The following IGSF21 variants were observed in gnomAD, a reference collection of about 807,000 sequenced individuals.
The protein encoded by IGSF21 is immunoglobulin superfamily member 21.
A neutral mutation model predicts 46.8 loss-of-function variants in IGSF21; 28 were observed. The ratio of observed to expected loss-of-function variants is 0.60; its 90% confidence interval spans 0.44 to 0.82. IGSF21 has a LOEUF of 0.82. Ranked by LOEUF, IGSF21 falls within the 40% of genes least tolerant of loss-of-function variation. IGSF21 has a pLI of 0.00. For missense variants in IGSF21, 624 were observed against 665.5 expected, an observed-to-expected ratio of 0.94 and a Z score of 0.69; for synonymous variants, 284 against 273.6, an observed-to-expected ratio of 1.04 and a Z score of -0.38.
At chr1:18,180,917 A>G (rs546327753) in intron 1 of IGSF21, among the ~76,000 whole-genome samples, 7 of 152,170 alleles carry the variant, frequency 4.6e-5, no homozygotes, top group Non-Finnish European at 1.0e-4. Context: ...AAGAAGAAAG[A>G]CATTGGAGTT....
At chr1:18,139,532 CA>C (rs2086396086) in intron 1 of IGSF21, among the ~76,000 whole-genome samples, 1 of 152,200 alleles carries the variant, frequency 6.6e-6, no homozygotes, top group Non-Finnish European at 1.5e-5. Context: ...CATTTTTCAC[CA>C]CCCTCTGCAG....
At chr1:18,187,105 G>C (rs1267415686) in intron 1 of IGSF21, among the ~76,000 whole-genome samples, 1 of 152,028 alleles carries the variant, frequency 6.6e-6, no homozygotes, top group Admixed American at 6.5e-5. Flanking sequence ...ACAGTTCTGG[G>C]GACTAGGAAG....
intron 2 of IGSF21, among the ~76,000 whole-genome samples, chr1:18,256,147 C>T (rs142899317): frequency 0.015 from 2,335 of 152,278 alleles, 21 homozygotes; most frequent in Non-Finnish European, 0.019. Context: ...ATCAAATTAG[C>T]CATGCCCTCC....
In IGSF21 at chr1:18,247,497, G is replaced by A. The variant is rs574834479; in HGVS notation, c.183+19487G>A. 2.9e-3 allele frequency among the ~76,000 whole-genome samples: 445 copies of A among 152,240 alleles called. 4 individuals are homozygous for A. The highest frequency in any genetic ancestry group is 6.8e-3 in the Middle Eastern group (2 of 294). ...ACTCAAAGCATCAGAGGTGAAAGTG[G>A]CAGGAGAGTGCCCAGCCAGGAACCA... On this transcript the variant is annotated intron_variant, in intron 2 of 9. Coordinates refer to ENST00000251296, the MANE Select transcript of IGSF21 (RefSeq NM_032880.5).
chr1:18,325,224 G>A (rs1382032012), intron 3 of IGSF21, among the ~76,000 whole-genome samples: 1 of 152,208 alleles, frequency 6.6e-6, no homozygotes, highest in Non-Finnish European at 1.5e-5. Context: ...GCAGCCCCTG[G>A]TGTTTGAAAG....
At chr1:18,284,906 C>T (rs946393397) in intron 2 of IGSF21, among the ~76,000 whole-genome samples, 6 of 149,528 alleles carry the variant, frequency 4.0e-5, no homozygotes, top group African/African-American at 1.2e-4. Context: ...AACACTCTCT[C>T]GGCTGCCTGG....
intron 6 of IGSF21, 69 bp from the exon 7 acceptor site, chr1:18,376,241 A>T: frequency 1.9e-6 from 2 of 1,073,608 alleles, no homozygotes; most frequent in South Asian, 2.5e-5. Context: ...CTAGACTAGA[A>T]CTTTCTCTTC....
intron 1 of IGSF21, among the ~76,000 whole-genome samples, chr1:18,166,663 G>A (rs181913981): frequency 6.6e-5 from 10 of 152,230 alleles, no homozygotes; most frequent in East Asian, 3.9e-4. Flanking sequence ...CCATGGCACC[G>A]AGGGCCTGAG....
intron 2 of IGSF21, among the ~76,000 whole-genome samples, chr1:18,258,711 C>A (rs530152352): frequency 1.3e-5 from 2 of 152,296 alleles, no homozygotes; most frequent in South Asian, 4.1e-4. Flanking sequence ...TTTGCTTCAC[C>A]TCATTGAGAC....
intron 2 of IGSF21, among the ~76,000 whole-genome samples, chr1:18,273,644 A>G (rs1235307303): frequency 6.6e-6 from 1 of 151,482 alleles, no homozygotes; most frequent in Non-Finnish European, 1.5e-5. Context: ...TGTTGCTGTA[A>G]TAACACCAAG....
At chr1:18,241,118 C>T (rs534576305) in intron 2 of IGSF21, among the ~76,000 whole-genome samples, 1 of 152,262 alleles carries the variant, frequency 6.6e-6, no homozygotes, top group South Asian at 2.1e-4. Context: ...CAGGGGACAC[C>T]TGGGAGTTGA....
chr1:18,277,922 T>A (rs958885754), intron 2 of IGSF21, among the ~76,000 whole-genome samples: 1 of 152,188 alleles, frequency 6.6e-6, no homozygotes, highest in East Asian at 1.9e-4. Context: ...GTGTTCTGCA[T>A]CCTGAGAAGG....
intron 4 of IGSF21, among the ~76,000 whole-genome samples, chr1:18,341,447 T>G (rs1041596572): frequency 6.6e-6 from 1 of 152,190 alleles, no homozygotes; most frequent in African/African-American, 2.4e-5. Flanking sequence ...CAGCAGTAAC[T>G]GAGTCAGGAT....
At chr1:18,133,799 G>A (rs12066623) in intron 1 of IGSF21, among the ~76,000 whole-genome samples, 2,316 of 152,376 alleles carry the variant, frequency 0.015, 58 homozygotes, top group African/African-American at 0.052. Context: ...CCGGTGGGGG[G>A]CTTTGTTGGC....
At chr1:18,367,713 T>A (rs1228415286) in intron 6 of IGSF21, among the ~76,000 whole-genome samples, 3 of 150,556 alleles carry the variant, frequency 2.0e-5, no homozygotes, top group East Asian at 2.0e-4. Context: ...TTCAAGTGAT[T>A]CTCCTGCCTC....
Position 18,365,778 on chromosome 1 carries a change from GAGGA to G in IGSF21, c.1015+82_1015+85del. 8.3e-7 allele frequency: 1 copy of G among 1,207,314 alleles called. No homozygotes were observed. The highest frequency in any genetic ancestry group is 1.2e-6 in the Non-Finnish European group (1 of 859,306). The allele number at this position is 1,207,314 out of a possible 1,614,324, so 74.8% of individuals were successfully genotyped here. ...AGCCTTGGAATAGGGTTCCTGGGCT[GAGGA>G]CAGCCATGGAAAGGGGGAGGAGATG... On this transcript the variant is annotated intron_variant, in intron 6 of 9. Transcript: ENST00000251296. This position sits in a 1 kb window ranked among gnomAD's most constrained non-coding sequence, Gnocchi z 4.8.
chr1:18,267,077 A>T (rs1286138020), intron 2 of IGSF21, among the ~76,000 whole-genome samples: 1 of 152,144 alleles, frequency 6.6e-6, no homozygotes, highest in African/African-American at 2.4e-5. Context: ...GGCTGTGGAG[A>T]GCTGTATGTA....
Position 18,199,894 on chromosome 1 carries a change from C to G in IGSF21, c.71-28004C>G, listed in dbSNP as rs558856433. On this transcript the variant is annotated intron_variant, in intron 1 of 9. Coordinates refer to ENST00000251296, the MANE Select transcript of IGSF21 (RefSeq NM_032880.5). ...TCACACTAGGGAAGCTGCTCCCGGC[C>G]CCCCCCTACCCCCGTGAGAATCCAT... Among the ~76,000 whole-genome samples, 28 of 146,244 alleles carry G rather than the reference C, an allele frequency of 1.9e-4. No individual in the cohort carries two copies. The East Asian group carries it at 3.6e-3, about 19-fold the overall frequency.
Position 18,225,062 on chromosome 1 carries a change from ATCTCTCTCTC to A in IGSF21, c.71-2821_71-2812del, listed in dbSNP as rs111721151. On this transcript the variant is annotated intron_variant, in intron 1 of 9. Transcript: ENST00000251296. ...CCTGGATGACAGAGTGAGACTCTGT[ATCTCTCTCTC>A]TCTCTCTCTCTCTCACACACACACA... is the stretch of plus-strand genomic sequence containing the variant. Among the ~76,000 whole-genome samples, 251 of 63,802 alleles carry A rather than the reference ATCTCTCTCTC, an allele frequency of 3.9e-3. 3 individuals are homozygous for A. The highest frequency in any genetic ancestry group is 0.014 in the African/African-American group (236 of 16,952). The allele number at this position is 63,802 out of a possible 152,430, so 41.9% of individuals were successfully genotyped here. A position where few individuals can be genotyped will look rare whatever the true frequency, so the allele number is the denominator to read the frequency against.
Sources: allele counts gnomAD v4.1 joint callset (sites outside exome capture counted in the v4.1 genomes callset), GRCh38; gene constraint gnomAD v4.1.1; non-coding constraint Gnocchi (gnomAD v3.1); transcripts MANE v1.5; gene names NCBI Gene and HGNC (gene_info 2026-07-23, HGNC 2026-07-21).